The following PHACTR2 variants were observed in gnomAD, a reference collection of about 807,000 sequenced individuals.
PHACTR2 encodes the protein phosphatase and actin regulator 2.
PHACTR2 carries 30 observed loss-of-function variants against 76.0 expected under a neutral mutation model. That is an observed-to-expected ratio of 0.39 (90% CI 0.30 to 0.54). PHACTR2 has a LOEUF of 0.54. PHACTR2 is among the 20% of genes least tolerant of loss of function. The probability of loss-of-function intolerance (pLI) is 0.61; values close to 1 mark genes in which losing one functional copy is unlikely to be tolerated. For synonymous variants in PHACTR2, 292 were observed against 292.5 expected (o/e 1.00, Z 0.02); for missense variants, 696 against 781.1 (o/e 0.89, Z 1.30).
upstream of PHACTR2, among the ~76,000 whole-genome samples, chr6:143,676,307 T>C (rs1777243568): frequency 6.6e-6 from 1 of 152,208 alleles, no homozygotes; most frequent in Non-Finnish European, 1.5e-5. This position sits in a 1 kb window ranked among gnomAD's most constrained non-coding sequence, Gnocchi z 4.8. Context: ...CCTTGATCTT[T>C]GAAATAAGAA....
chr6:143,769,659 A>T (rs1033476044), intron 6 of PHACTR2, among the ~76,000 whole-genome samples: 65 of 152,094 alleles, frequency 4.3e-4, no homozygotes, highest in African/African-American at 1.5e-3. Flanking sequence ...CATGAAACAA[A>T]ATACAAATAG....
chr6:143,803,792 A>AGCATTAT lies in PHACTR2; in HGVS notation c.1846-3265_1846-3264insGCATTAT, dbSNP rs1394203556. Among the ~76,000 whole-genome samples, 5 of 152,232 alleles carry AGCATTAT rather than the reference A, an allele frequency of 3.3e-5. No homozygotes were observed. Among genetic ancestry groups the AGCATTAT allele is most frequent in the Admixed American group, 2.6e-4 (4 of 15,286 alleles). ...ACCACTACTAAAACCATAATGCTATAAATAGAATGATGTCTTTTGTTTCCA... is the reference window on the plus strand; with the variant it reads ...ACCACTACTAAAACCATAATGCTATAGCATTATAATAGAATGATGTCTTTTGTTTCCA... On this transcript the variant is annotated intron_variant, in intron 11 of 12. Transcript: ENST00000440869. This position sits in a 1 kb window ranked among gnomAD's most constrained non-coding sequence, Gnocchi z 4.7.
intron 1 of PHACTR2, among the ~76,000 whole-genome samples, chr6:143,690,845 AAG>A (rs907982631): frequency 6.6e-6 from 1 of 152,144 alleles, no homozygotes; most frequent in Non-Finnish European, 1.5e-5. Flanking sequence ...GGCATTTTTT[AAG>A]AAGACTCACA....
At chr6:143,759,130 G>A (rs1187128431) in intron 4 of PHACTR2, among the ~76,000 whole-genome samples, 1 of 152,162 alleles carries the variant, frequency 6.6e-6, no homozygotes, top group Admixed American at 6.5e-5. Context: ...GAATACAGAT[G>A]TGAATATATG....
chr6:143,569,585 AG>A (rs1582677458), intron 1 of PHACTR2, among the ~76,000 whole-genome samples: 2 of 152,138 alleles, frequency 1.3e-5, no homozygotes, highest in East Asian at 3.9e-4. Flanking sequence ...TATATTATTT[AG>A]ATTATATTGC....
chr6:143,588,659 A>G (rs1037710512), intron 1 of PHACTR2, among the ~76,000 whole-genome samples: 3 of 152,232 alleles, frequency 2.0e-5, no homozygotes, highest in Admixed American at 6.5e-5. Context: ...AGGATCAACG[A>G]AACTAAAAGT....
intron 1 of PHACTR2, among the ~76,000 whole-genome samples, chr6:143,705,021 T>TTTCA (rs1778015841): frequency 6.6e-6 from 1 of 151,698 alleles, no homozygotes; most frequent in Non-Finnish European, 1.5e-5. Flanking sequence ...AGAGACAGGG[T>TTTCA]TTCACTGTGT....
chr6:143,765,165 A>G lies in PHACTR2; in HGVS notation c.695-96A>G. 2 of 941,548 alleles carry G rather than the reference A, an allele frequency of 2.1e-6. No homozygotes were observed. Among genetic ancestry groups the G allele is most frequent in the Non-Finnish European group, 3.2e-6 (2 of 620,512 alleles). 58.3% of individuals were successfully genotyped at this position (941,548 alleles called of 1,614,324 possible). A position where few individuals can be genotyped will look rare whatever the true frequency, so the allele number is the denominator to read the frequency against. ...CATTTATTCAACAAACTTTAAAGGG[A>G]ACATTTTAAATGTTGTTGACAGTTA... On this transcript the variant is annotated intron_variant, in intron 5 of 12. Coordinates refer to ENST00000440869, the MANE Select transcript of PHACTR2 (RefSeq NM_001100164.2). The surrounding 1 kb of genome is among the most constrained non-coding windows in gnomAD (Gnocchi z 4.1).
chr6:143,644,953 G>T (rs1776632264), intron 1 of PHACTR2, among the ~76,000 whole-genome samples: 3 of 152,022 alleles, frequency 2.0e-5, no homozygotes, highest in Non-Finnish European at 2.9e-5. Context: ...CACCCCATTT[G>T]TAGTCTTTTA....
rs1775966240 is a variant in PHACTR2 at position 143,611,021 on chromosome 6, T to C, written c.13+2699T>C. ...CAGCATTCTGCCAGTGCCACTATCC[T>C]CCTTACCTCCATCAAGTGGTTCTCG... On this transcript the variant is annotated intron_variant, in intron 1 of 11. Transcript: ENST00000305766. This position sits in a 1 kb window ranked among gnomAD's most constrained non-coding sequence, Gnocchi z 4.4. 6.6e-6 allele frequency among the ~76,000 whole-genome samples: 1 copy of C among 152,322 alleles called. No homozygotes were observed. The highest frequency in any genetic ancestry group is 1.9e-4 in the East Asian group (1 of 5,194).
At chr6:143,582,532 C>T (rs959278168) in intron 1 of PHACTR2, among the ~76,000 whole-genome samples, 9 of 151,344 alleles carry the variant, frequency 5.9e-5, no homozygotes, top group African/African-American at 1.2e-4. Flanking sequence ...GAGGAATGAT[C>T]AGGTATGGAT....
chr6:143,673,764 C>A (rs1777195634), upstream of PHACTR2, among the ~76,000 whole-genome samples: 1 of 151,834 alleles, frequency 6.6e-6, no homozygotes, highest in Non-Finnish European at 1.5e-5. Flanking sequence ...AATCTTCCAA[C>A]TGTGGGGCTC....
chr6:143,585,984 G>A lies in PHACTR2; in HGVS notation c.217+48777G>A, dbSNP rs1310253260. 6.6e-6 allele frequency among the ~76,000 whole-genome samples: 1 copy of A among 152,118 alleles called. No individual in the cohort carries two copies. The highest frequency in any genetic ancestry group is 1.5e-5 in the Non-Finnish European group (1 of 68,014). ...TATCATGTGCTTGGATGAGACCCTGGCCTTATGCATCATATTAAATGGAAG... is the reference window on the plus strand; with the variant it reads ...TATCATGTGCTTGGATGAGACCCTGACCTTATGCATCATATTAAATGGAAG... On this transcript the variant is annotated intron_variant, in intron 1 of 11. Coordinates refer to the PHACTR2 transcript ENST00000367584. The surrounding 1 kb of genome is among the most constrained non-coding windows in gnomAD (Gnocchi z 5.2).
intron 2 of PHACTR2, among the ~76,000 whole-genome samples, chr6:143,726,906 G>C (rs1778585957): frequency 6.6e-6 from 1 of 152,138 alleles, no homozygotes; most frequent in Non-Finnish European, 1.5e-5. Context: ...AGGGTATTTA[G>C]GATATCCATC....
At chr6:143,792,030 A>G (rs1281610327) in intron 11 of PHACTR2, among the ~76,000 whole-genome samples, 1 of 152,106 alleles carries the variant, frequency 6.6e-6, no homozygotes, top group African/African-American at 2.4e-5. Flanking sequence ...CCTTACACTG[A>G]GGGTATGCCA....
rs1311790551 is a variant in PHACTR2, at chr6:143,789,043, A to C, written c.1845+133A>C. 2.8e-6 allele frequency: 2 copies of C among 703,294 alleles called. No individual in the cohort carries two copies. Among genetic ancestry groups the C allele is most frequent in the African/African-American group, 3.5e-5 (2 of 56,662 alleles). 43.6% of individuals were successfully genotyped at this position (703,294 alleles called of 1,614,324 possible). On this transcript the variant is annotated intron_variant, in intron 11 of 12. Transcript: ENST00000440869. The surrounding 1 kb of genome is among the most constrained non-coding windows in gnomAD (Gnocchi z 5.1). ...TTACAACAGTTTTCTGCCTCTGATT[A>C]TTTAAGCCACTTAAGTGATACATTT...
Position 143,564,196 on chromosome 6 carries a change from CATATATATATATATATATAT to C in PHACTR2, c.217+27010_217+27029del, listed in dbSNP as rs59017997. Among the ~76,000 whole-genome samples, 8 of 40,286 alleles carry C rather than the reference CATATATATATATATATATAT, an allele frequency of 2.0e-4. No individual in the cohort carries two copies. The East Asian group carries it at 3.1e-3, about 15-fold the overall frequency. The allele number at this position is 40,286 out of a possible 152,430, so 26.4% of individuals were successfully genotyped here. A position where few individuals can be genotyped will look rare whatever the true frequency, so the allele number is the denominator to read the frequency against. Reference sequence around the variant, plus strand: ...ATGTGTGTGTGTATGTGTGTGTGTGCATATATATATATATATATATATATATATATATATATATATGTATG... The same window carrying C: ...ATGTGTGTGTGTATGTGTGTGTGTGCATATATATATATATATATATGTATG... On this transcript the variant is annotated intron_variant, in intron 1 of 11. Coordinates refer to the PHACTR2 transcript ENST00000367584.
At chr6:143,613,076 A>T (rs992871349) in intron 1 of PHACTR2, among the ~76,000 whole-genome samples, 1 of 152,154 alleles carries the variant, frequency 6.6e-6, no homozygotes, top group Non-Finnish European at 1.5e-5. Flanking sequence ...TCCCAGGTTC[A>T]CGCCATTCCC....
Position 143,678,538 on chromosome 6 carries a change from G to T in PHACTR2, c.46+329G>T, listed in dbSNP as rs147847777. The stretch of plus-strand genomic sequence containing the variant: ...AGTGTTTTTAAAAACGCGAAACTTA[G>T]AGAGCAAGAGAAACATGCCAACAGG... On this transcript the variant is annotated intron_variant, in intron 1 of 12. Transcript: ENST00000440869. The surrounding 1 kb of genome is among the most constrained non-coding windows in gnomAD (Gnocchi z 6.2). 1.7e-3 allele frequency among the ~76,000 whole-genome samples: 254 copies of T among 152,298 alleles called. 1 individual carries two copies. The South Asian group carries it at 0.021, about 13-fold the overall frequency.
Sources: allele counts gnomAD v4.1 joint callset (sites outside exome capture counted in the v4.1 genomes callset), GRCh38; gene constraint gnomAD v4.1.1; non-coding constraint Gnocchi (gnomAD v3.1); transcripts MANE v1.5; gene names NCBI Gene and HGNC (gene_info 2026-07-23, HGNC 2026-07-21).